CSMD1: variants seen among roughly 807,000 people sequenced by gnomAD.
CSMD1 encodes CUB and sushi domain-containing protein 1.
CSMD1 carries 213 observed loss-of-function variants against 417.5 expected under a neutral mutation model. The observed-to-expected ratio is 0.51, with a 90% CI of 0.46 to 0.57. The LOEUF is 0.57. Ranked by LOEUF, CSMD1 falls within the 20% of genes least tolerant of loss-of-function variation. The probability of loss-of-function intolerance (pLI) is 0.00; values close to 1 mark genes in which losing one functional copy is unlikely to be tolerated. For synonymous variants in CSMD1, 2,862 were observed against 1,736.8 expected, an observed-to-expected ratio of 1.65 and a Z score of -16.11; for missense variants, 6,923 against 4,529.7, an observed-to-expected ratio of 1.53 and a Z score of -15.17.
chr8:3,189,950 G>A lies in CSMD1; in HGVS notation c.5360C>T (p.Ala1787Val). 1 of 1,595,934 alleles carries A rather than the reference G, an allele frequency of 6.3e-7. No homozygotes were observed. The highest frequency in any genetic ancestry group is 1.1e-5 in the South Asian group (1 of 87,428). The change falls in exon 34 of 70, where the codon GCC becomes GTC. Residue 1787 changes from alanine to valine, a missense_variant. By Grantham distance (64) the Ala-to-Val change is moderately conservative (BLOSUM62 0). Coordinates refer to ENST00000635120, the MANE Select transcript of CSMD1 (RefSeq NM_033225.6). ...TALHCQSVPN[A>V]LAQWNDTIPS... ...GATCGTGTCGTTCCACTGTGCCAAG[G>A]CGTTGGGCACGGACTGGCAGTGGAG...
intron 5 of CSMD1, among the ~76,000 whole-genome samples, chr8:3,889,055 T>C (rs1309486886): frequency 6.6e-6 from 1 of 152,098 alleles, no homozygotes; most frequent in Non-Finnish European, 1.5e-5. Context: ...AAAAGGAGCT[T>C]AATATGTTAA....
At chr8:4,951,121 C>T (rs1196227964) in intron 1 of CSMD1, among the ~76,000 whole-genome samples, 1 of 152,146 alleles carries the variant, frequency 6.6e-6, no homozygotes, top group East Asian at 1.9e-4. Context: ...ATCTTTCTGA[C>T]ACACACCCTC....
intron 28 of CSMD1, among the ~76,000 whole-genome samples, chr8:3,223,430 A>G (rs1189275788): frequency 6.6e-6 from 1 of 152,238 alleles, no homozygotes; most frequent in African/African-American, 2.4e-5. Context: ...AAATGTCTCC[A>G]TACCATATTT....
chr8:3,083,642 ATATATATTTTTTTTTTTTTTTTTT>A, intron 49 of CSMD1, among the ~76,000 whole-genome samples: 3 of 21,612 alleles, frequency 1.4e-4, no homozygotes, highest in Non-Finnish European at 2.3e-4. Context: ...ATATATATAT[ATATATATTTTTTTTTTTTTTTTTT>A]TTTTTTTTTT....
chr8:4,638,939 T>G (rs963090591), intron 1 of CSMD1, among the ~76,000 whole-genome samples: 1 of 152,136 alleles, frequency 6.6e-6, no homozygotes, highest in Non-Finnish European at 1.5e-5. Flanking sequence ...GCTGGAGTAG[T>G]TTGAAAGAAT....
intron 1 of CSMD1, among the ~76,000 whole-genome samples, chr8:4,934,938 C>A (rs1446262105): frequency 1.3e-5 from 2 of 152,178 alleles, no homozygotes; most frequent in Non-Finnish European, 2.9e-5. Context: ...CATCAATCAT[C>A]TATTTAAATC....
chr8:4,581,150 C>T (rs866265706), intron 2 of CSMD1, among the ~76,000 whole-genome samples: 5 of 152,186 alleles, frequency 3.3e-5, no homozygotes, highest in Middle Eastern at 3.4e-3. Flanking sequence ...TCAAGGATAC[C>T]ATCTATGAAC....
At chr8:4,332,512 C>G (rs149086548) in intron 3 of CSMD1, among the ~76,000 whole-genome samples, 1 of 149,318 alleles carries the variant, frequency 6.7e-6, no homozygotes, top group African/African-American at 2.4e-5. Flanking sequence ...CTGGTTTTTG[C>G]TTTTTTTCCC....
At chr8:4,116,360 A>G (rs990650861) in intron 3 of CSMD1, among the ~76,000 whole-genome samples, 1 of 152,178 alleles carries the variant, frequency 6.6e-6, no homozygotes, top group Non-Finnish European at 1.5e-5. Context: ...ACATGTCATT[A>G]TACACTTGTC....
At chr8:3,296,590 T>C (rs561323811) in intron 25 of CSMD1, among the ~76,000 whole-genome samples, 1 of 152,262 alleles carries the variant, frequency 6.6e-6, no homozygotes, top group East Asian at 1.9e-4. Flanking sequence ...AATGACACTC[T>C]GTCAACGTTT....
At chr8:4,213,233 G>C (rs994952196) in intron 3 of CSMD1, among the ~76,000 whole-genome samples, 6 of 152,158 alleles carry the variant, frequency 3.9e-5, no homozygotes, top group African/African-American at 1.4e-4. Flanking sequence ...CTATGAACCA[G>C]CTGGGTGGCT....
At chr8:4,268,467 T>C (rs941106939) in intron 3 of CSMD1, among the ~76,000 whole-genome samples, 16 of 152,184 alleles carry the variant, frequency 1.1e-4, no homozygotes, top group African/African-American at 3.9e-4. Context: ...AAAGGTAGTA[T>C]CGCTGCTTAC....
chr8:3,250,382 A>G (rs893930919), intron 26 of CSMD1, among the ~76,000 whole-genome samples: 5 of 152,226 alleles, frequency 3.3e-5, no homozygotes, highest in Admixed American at 1.3e-4. Context: ...TACAAAGGAC[A>G]TGAACTCATT....
chr8:4,304,366 A>C (rs1798136121), intron 3 of CSMD1, among the ~76,000 whole-genome samples: 1 of 152,150 alleles, frequency 6.6e-6, no homozygotes, highest in Non-Finnish European at 1.5e-5. Context: ...TTTGATTATC[A>C]AAGTGAGCTC....
chr8:4,342,944 G>C (rs1035744894), intron 3 of CSMD1, among the ~76,000 whole-genome samples: 2 of 152,056 alleles, frequency 1.3e-5, no homozygotes, highest in Non-Finnish European at 2.9e-5. Context: ...TGATCTGTAA[G>C]TTTCAGACTC....
At chr8:4,348,244 G>C (rs1037898477) in intron 3 of CSMD1, among the ~76,000 whole-genome samples, 7 of 152,072 alleles carry the variant, frequency 4.6e-5, no homozygotes, top group African/African-American at 1.2e-4. Context: ...AAGTGCTCTT[G>C]ACTATCTCTT....
At chr8:3,374,540 G>A (rs892571336) in intron 18 of CSMD1, among the ~76,000 whole-genome samples, 1 of 152,120 alleles carries the variant, frequency 6.6e-6, no homozygotes. Context: ...ACTCAAAGGA[G>A]GTCTAGATGA....
At chr8:4,325,236 G>A (rs186716569) in intron 3 of CSMD1, among the ~76,000 whole-genome samples, 16 of 152,286 alleles carry the variant, frequency 1.1e-4, no homozygotes, top group African/African-American at 3.9e-4. Context: ...CCTGAACCAG[G>A]AATGTGCGAC....
chr8:4,090,509 G>A (rs1385372777), intron 3 of CSMD1, among the ~76,000 whole-genome samples: 3 of 152,266 alleles, frequency 2.0e-5, no homozygotes, highest in East Asian at 1.9e-4. Context: ...ACTGCTTCAT[G>A]GAAAGCTTTG....
Sources: gnomAD v4.1 joint callset for allele counts (sites outside exome capture counted in the v4.1 genomes callset) on GRCh38, gnomAD v4.1.1 for gene constraint, MANE v1.5 for transcripts, NCBI Gene and HGNC (gene_info 2026-07-23, HGNC 2026-07-21) for gene names.